Variants in TGFBRAP1 observed in about 807,000 individuals in gnomAD.
TGFBRAP1 encodes the protein transforming growth factor-beta receptor-associated protein 1.
Under a neutral mutation model 83.2 loss-of-function variants are expected in TGFBRAP1, and 20 were observed. The observed-to-expected ratio is 0.24, with a 90% CI of 0.17 to 0.35. The LOEUF is 0.35. Among genes scored for constraint, TGFBRAP1 ranks in the 10% least tolerant of loss-of-function variants. The probability of loss-of-function intolerance (pLI) is 1.00; values close to 1 mark genes in which losing one functional copy is unlikely to be tolerated. For synonymous variants in TGFBRAP1, 415 were observed against 459.8 expected, an observed-to-expected ratio of 0.90 and a Z score of 1.25; for missense variants, 950 against 1,099.4, an observed-to-expected ratio of 0.86 and a Z score of 1.92.
chr2:105,326,250 A>ATG (rs1256740167), intron 1 of TGFBRAP1, among the ~76,000 whole-genome samples: 8 of 152,118 alleles, frequency 5.3e-5, no homozygotes, highest in Non-Finnish European at 1.2e-4. Context: ...ATAAGGGTGT[A>ATG]TGTGTGTGTG....
intron 10 of TGFBRAP1, among the ~76,000 whole-genome samples, chr2:105,271,909 G>A (rs1677165982): frequency 6.6e-6 from 1 of 152,126 alleles, no homozygotes; most frequent in South Asian, 2.1e-4. Flanking sequence ...CTAGCTACAC[G>A]TTTCCTTTTC....
At chr2:105,277,499 G>T (rs1677388296) in intron 7 of TGFBRAP1, 115 bp downstream of exon 7, 1 of 873,874 alleles carries the variant, frequency 1.1e-6, no homozygotes, top group African/African-American at 1.7e-5. Flanking sequence ...TGTATAAAAG[G>T]GTGTAGATCA....
chr2:105,285,624 C>G (rs920081826), intron 4 of TGFBRAP1, among the ~76,000 whole-genome samples: 1 of 152,142 alleles, frequency 6.6e-6, no homozygotes, highest in Non-Finnish European at 1.5e-5. Flanking sequence ...TGCTATCAAC[C>G]CTGTTCTCTC....
At chr2:105,328,734 A>G (rs1679289063) in intron 1 of TGFBRAP1, among the ~76,000 whole-genome samples, 1 of 152,226 alleles carries the variant, frequency 6.6e-6, no homozygotes, top group South Asian at 2.1e-4. Context: ...AACTCTGCTC[A>G]GACATGTTTT....
chr2:105,267,641 A>G (rs1676992356), intron 11 of TGFBRAP1, 82 bp from the exon 12 acceptor site: 3 of 1,577,504 alleles, frequency 1.9e-6, no homozygotes, highest in African/African-American at 1.3e-5. Context: ...TGCAGAGTTG[A>G]CATGCATTAC....
At position 105,311,425 on chromosome 2, in the gene TGFBRAP1, A is replaced by T. The variant is rs541407089; in HGVS notation, c.-17-3107T>A. ...TCCTTAACCCTGTCTCTACAAAAAA[A>T]ATATAAAAACTTAGCCAGACCTGGT... On this transcript the variant is annotated intron_variant, in intron 1 of 11. Transcript: ENST00000393359. Among the ~76,000 whole-genome samples, 18 of 152,222 alleles carry T rather than the reference A, an allele frequency of 1.2e-4. 1 individual carries two copies. In the Middle Eastern group the frequency reaches 0.017, roughly 144 times the overall value.
At chr2:105,280,855 C>T in intron 5 of TGFBRAP1, 132 bp from the exon 6 acceptor site, 1 of 964,384 alleles carries the variant, frequency 1.0e-6, no homozygotes, top group Non-Finnish European at 1.5e-6. Flanking sequence ...ACAGGGTAAT[C>T]ATGTCAGAGC....
rs556872629 is a variant in TGFBRAP1, at chr2:105,265,863, A to G, written c.*1520T>C. 1 of 152,346 alleles carries G rather than the reference A, an allele frequency of 6.6e-6. No individual in the cohort carries two copies. Among genetic ancestry groups the G allele is most frequent in the Admixed American group, 6.5e-5 (1 of 15,308 alleles). 9.4% of individuals were successfully genotyped at this position (152,346 alleles called of 1,614,324 possible). A position where few individuals can be genotyped will look rare whatever the true frequency, so the allele number is the denominator to read the frequency against. ...CAAAAGGACAAAAAATACATGGACC[A>G]ATATTAGTTCACGAAACATGTTTTA... On this transcript the variant is annotated 3_prime_UTR_variant, in exon 12 of 12. Transcript: ENST00000393359.
intron 10 of TGFBRAP1, 133 bp downstream of exon 10, chr2:105,272,722 T>C: frequency 8.1e-7 from 1 of 1,232,200 alleles, no homozygotes; most frequent in Non-Finnish European, 1.1e-6. Context: ...AAAAAATCTT[T>C]TTAAAAAAAG....
downstream of TGFBRAP1, among the ~76,000 whole-genome samples, chr2:105,262,763 G>A (rs946515938): frequency 6.6e-6 from 1 of 152,174 alleles, no homozygotes; most frequent in Non-Finnish European, 1.5e-5. Context: ...TACGACTCTG[G>A]ACTGCAGGCT....
At chr2:105,257,950 A>C in the TGFBRAP1 span, among the ~76,000 whole-genome samples, 1 of 152,212 alleles carries the variant, frequency 6.6e-6, no homozygotes. Flanking sequence ...GGCACACTGC[A>C]GTCTCCCAAC....
At chr2:105,304,456 G>A (rs1678419639) in intron 2 of TGFBRAP1, among the ~76,000 whole-genome samples, 1 of 152,220 alleles carries the variant, frequency 6.6e-6, no homozygotes, top group Non-Finnish European at 1.5e-5. Flanking sequence ...AATCTATGGT[G>A]TGAAGCCATA....
Position 105,267,370 on chromosome 2 carries a change from T to C in TGFBRAP1, c.*13A>G, listed in dbSNP as rs1393105725. On this transcript the variant is annotated 3_prime_UTR_variant, in exon 12 of 12. Coordinates refer to ENST00000393359, the MANE Select transcript of TGFBRAP1 (RefSeq NM_004257.6). ...GAACTCGGAGTTCCCCTCGCACCCTTGGGCCAAGCTTTTCAAGTCCGAGTG... is the reference window on the plus strand; with the variant it reads ...GAACTCGGAGTTCCCCTCGCACCCTCGGGCCAAGCTTTTCAAGTCCGAGTG... 3 of 1,613,802 alleles carry C rather than the reference T, an allele frequency of 1.9e-6. No individual in the cohort carries two copies. The highest frequency in any genetic ancestry group is 1.7e-5 in the Admixed American group (1 of 59,998).
the TGFBRAP1 span, among the ~76,000 whole-genome samples, chr2:105,258,189 C>G: frequency 1.3e-5 from 2 of 152,194 alleles, no homozygotes; most frequent in African/African-American, 2.4e-5. Flanking sequence ...AACAAGGCCA[C>G]TCGCCAGCTC....
At chr2:105,278,568 G>C (rs889542451) in intron 6 of TGFBRAP1, among the ~76,000 whole-genome samples, 19 of 152,118 alleles carry the variant, frequency 1.2e-4, no homozygotes, top group Non-Finnish European at 1.9e-4. Context: ...AACTTGCCCA[G>C]CCTCTAACTC....
rs6724198 is a variant in TGFBRAP1, at chr2:105,298,610, C to T, written c.784G>A (p.Ala262Thr). 4.3e-6 allele frequency: 7 copies of T among 1,614,152 alleles called. No individual in the cohort carries two copies. Among genetic ancestry groups the T allele is most frequent in the Non-Finnish European group, 5.1e-6 (6 of 1,180,012 alleles). The change falls in exon 3 of 12, where the codon GCG becomes ACG. Residue 262 changes from alanine to threonine, a missense_variant. Transcript: ENST00000393359. ...ACTGTGATGAATTCGTCATCGAGCG[C>T]TATGACGTATGGAAAGGACACAGCC... ...GAAVSFPYVIALDDEFITVHS... is the reference protein window; with the variant it reads ...GAAVSFPYVITLDDEFITVHS...
intron 4 of TGFBRAP1, among the ~76,000 whole-genome samples, chr2:105,294,378 G>C (rs1310718073): frequency 6.6e-6 from 1 of 151,658 alleles, no homozygotes; most frequent in Non-Finnish European, 1.5e-5. Context: ...GGTCAGCCAT[G>C]CTTCAAGGTT....
intron 8 of TGFBRAP1, among the ~76,000 whole-genome samples, chr2:105,275,130 GC>G (rs1463691486): frequency 6.6e-6 from 1 of 152,178 alleles, no homozygotes; most frequent in Non-Finnish European, 1.5e-5. Context: ...AGGGATGAGG[GC>G]CCAGTGTGGC....
chr2:105,272,450 G>A (rs1677187786), intron 10 of TGFBRAP1, among the ~76,000 whole-genome samples: 1 of 152,170 alleles, frequency 6.6e-6, no homozygotes, highest in African/African-American at 2.4e-5. Flanking sequence ...GAGACACACA[G>A]ACGTCTAAAG....
Sources: gnomAD v4.1 joint callset for allele counts (sites outside exome capture counted in the v4.1 genomes callset) on GRCh38, gnomAD v4.1.1 for gene constraint, MANE v1.5 for transcripts, NCBI Gene and HGNC (gene_info 2026-07-23, HGNC 2026-07-21) for gene names.